AGAP3: variants seen among roughly 807,000 people sequenced by gnomAD.
AGAP3 encodes ArfGAP with GTPase domain, ankyrin repeat and PH domain 3.
Under a neutral mutation model 96.9 loss-of-function variants are expected in AGAP3, and 24 were observed. That is an observed-to-expected ratio of 0.25 (90% CI 0.18 to 0.35). AGAP3 has a LOEUF of 0.35. Ranked by LOEUF, AGAP3 falls within the 10% of genes least tolerant of loss-of-function variation. The pLI is 1.00. For synonymous variants in AGAP3, 563 were observed against 536.1 expected (o/e 1.05, Z -0.69); for missense variants, 876 against 1,254.2 (o/e 0.70, Z 4.55).
At chr7:151,089,390 T>C (rs1799295273) in intron 1 of AGAP3, among the ~76,000 whole-genome samples, 1 of 151,870 alleles carries the variant, frequency 6.6e-6, no homozygotes, top group South Asian at 2.1e-4. Flanking sequence ...AGACCTAGGC[T>C]GTTACATAAA....
Position 151,126,926 on chromosome 7 carries a change from C to T in AGAP3, c.1222-1654C>T, listed in dbSNP as rs149945311. Reference sequence around the variant, plus strand: ...TGGCCATGTACTTCAACTCCCAGCCCGCATGCTCGCACCTCCAGCAATGGC... The same window carrying T: ...TGGCCATGTACTTCAACTCCCAGCCTGCATGCTCGCACCTCCAGCAATGGC... On this transcript the variant is annotated intron_variant, in intron 9 of 17. Coordinates refer to ENST00000397238, the MANE Select transcript of AGAP3 (RefSeq NM_031946.7). 7.3e-3 allele frequency among the ~76,000 whole-genome samples: 1,115 copies of T among 152,344 alleles called. 13 individuals carry two copies. Among genetic ancestry groups the T allele is most frequent in the African/African-American group, 0.026 (1,078 of 41,572 alleles).
In AGAP3 at chr7:151,141,138, C is replaced by T. The variant is rs938924530; in HGVS notation, c.1805-760C>T. ...TTCCAGCCCCCAGGACACAGTCACA[C>T]TGCTTGTTAGGAATTGTTCACCCAT... On this transcript the variant is annotated intron_variant, in intron 13 of 17. Transcript: ENST00000397238. The surrounding 1 kb of genome is among the most constrained non-coding windows in gnomAD (Gnocchi z 4.2). 1 of 152,256 alleles carries T rather than the reference C, an allele frequency of 6.6e-6. No individual in the cohort carries two copies. The highest frequency in any genetic ancestry group is 1.5e-5 in the Non-Finnish European group (1 of 68,108). The allele number at this position is 152,256 out of a possible 1,614,324, so 9.4% of individuals were successfully genotyped here.
Position 151,141,846 on chromosome 7 carries a change from T to C in AGAP3, c.1805-52T>C, listed in dbSNP as rs754568664. The C allele has an allele frequency of 2.5e-6, 4 of 1,610,982 alleles. No individual in the cohort carries two copies. In the East Asian group the frequency reaches 8.9e-5, roughly 36 times the overall value. On this transcript the variant is annotated intron_variant, in intron 13 of 17. Transcript: ENST00000397238. This position sits in a 1 kb window ranked among gnomAD's most constrained non-coding sequence, Gnocchi z 4.2. Reference sequence around the variant, plus strand: ...GTGGAGTTGTGGCGATAGCATGCCCTGGGTGTGCACGCAGGCCAGGAGCCC... The same window carrying C: ...GTGGAGTTGTGGCGATAGCATGCCCCGGGTGTGCACGCAGGCCAGGAGCCC...
intron 1 of AGAP3, chr7:151,115,042 C>T (rs1445792035): frequency 3.0e-6 from 3 of 1,002,758 alleles, no homozygotes; most frequent in Non-Finnish European, 3.6e-6. Context: ...GGCCTGGCGC[C>T]CTCGGGACCG....
intron 1 of AGAP3, among the ~76,000 whole-genome samples, chr7:151,098,185 C>T (rs1475113116): frequency 4.6e-5 from 7 of 151,962 alleles, no homozygotes; most frequent in African/African-American, 1.7e-4. Context: ...ATGACGAAAC[C>T]CTGTCTCTAC....
At chr7:151,131,380 T>C (rs148941126) in intron 10 of AGAP3, 8 of 152,300 alleles carry the variant, frequency 5.3e-5, no homozygotes, top group African/African-American at 1.9e-4. Context: ...ATTCCAGTAA[T>C]AAAACGAGAT....
At chr7:151,115,489 C>A (rs866769103) in intron 1 of AGAP3, 2 of 1,017,430 alleles carry the variant, frequency 2.0e-6, no homozygotes, top group East Asian at 1.9e-4. Context: ...TCCGACGCCC[C>A]GCGCGCAGCG....
chr7:151,123,367 G>A (rs1168046735), intron 8 of AGAP3: 8 of 1,046,954 alleles, frequency 7.6e-6, no homozygotes, highest in Non-Finnish European at 9.2e-6. Flanking sequence ...CGACGCGCTC[G>A]GTGCCACGTG....
chr7:151,128,512 C>T lies in AGAP3; in HGVS notation c.1222-68C>T, dbSNP rs991746862. 2.7e-5 allele frequency: 37 copies of T among 1,365,950 alleles called. No homozygotes were observed. The East Asian group carries it at 3.9e-4, about 14-fold the overall frequency. The allele number at this position is 1,365,950 out of a possible 1,614,324, so 84.6% of individuals were successfully genotyped here. ...GGGGGAGGGCATTGCCTGACGACAT[C>T]GTGACCTCCTCATGCCCTATGACCT... On this transcript the variant is annotated intron_variant, in intron 9 of 17. Transcript: ENST00000397238.
At chr7:151,103,747 CT>C (rs1563440194) in intron 1 of AGAP3, among the ~76,000 whole-genome samples, 1 of 152,246 alleles carries the variant, frequency 6.6e-6, no homozygotes, top group South Asian at 2.1e-4. Flanking sequence ...TCTTACAGAG[CT>C]TTTTTTGTTT....
intron 9 of AGAP3, among the ~76,000 whole-genome samples, chr7:151,126,392 G>T (rs1441978964): frequency 6.6e-6 from 1 of 150,798 alleles, no homozygotes; most frequent in African/African-American, 2.5e-5. Flanking sequence ...GGGCGGGGCC[G>T]GCCGTGGAGT....
chr7:151,115,356 C>G (rs928571715), intron 1 of AGAP3: 2 of 1,022,508 alleles, frequency 2.0e-6, no homozygotes, highest in Non-Finnish European at 2.3e-6. Flanking sequence ...CCGCCTGCGC[C>G]GCGGCCAGGA....
At chr7:151,129,566 G>T (rs1800320161) in intron 10 of AGAP3, among the ~76,000 whole-genome samples, 1 of 152,186 alleles carries the variant, frequency 6.6e-6, no homozygotes, top group Non-Finnish European at 1.5e-5. Flanking sequence ...CAGCTCAGGG[G>T]ACAATGCCAG....
chr7:151,100,859 T>C (rs1289866604), intron 1 of AGAP3, among the ~76,000 whole-genome samples: 1 of 151,950 alleles, frequency 6.6e-6, no homozygotes, highest in Non-Finnish European at 1.5e-5. Context: ...AATAATAAAA[T>C]AATAATAATA....
rs765227376 is a variant in AGAP3 at position 151,120,031 on chromosome 7, A to G, written c.1014A>G (p.Ser338=). The G allele has an allele frequency of 6.2e-7, 1 of 1,613,880 alleles. No individual in the cohort carries two copies. The highest frequency in any genetic ancestry group is 8.5e-7 in the Non-Finnish European group (1 of 1,179,888). The change falls in exon 8 of 18, where the codon TCA becomes TCG. Residue 338 remains serine (S), a synonymous_variant. Transcript: ENST00000397238. ...GCGCCTTCAGCGACTACTCGTCCTCAGTCCCCTCCACCCCCAGCATCAGCC... is the reference window on the plus strand; with the variant it reads ...GCGCCTTCAGCGACTACTCGTCCTCGGTCCCCTCCACCCCCAGCATCAGCC... ...GGSAFSDYSS[S]VPSTPSISQR... is the part of the protein sequence containing the mutation.
intron 1 of AGAP3, chr7:151,115,264 A>T (rs1799505038): frequency 1.1e-5 from 11 of 1,001,170 alleles, no homozygotes; most frequent in Non-Finnish European, 1.3e-5. Context: ...TGGAGCAGCC[A>T]GCGCTGGCCA....
chr7:151,087,287 T>C, intron 1 of AGAP3: 1 of 591,944 alleles, frequency 1.7e-6, no homozygotes, highest in Non-Finnish European at 3.0e-6. Flanking sequence ...GGTTTTCTGC[T>C]GACTGTGTTC....
At chr7:151,138,093 A>G in intron 11 of AGAP3, 50 bp from the exon 12 acceptor site, 1 of 1,376,218 alleles carries the variant, frequency 7.3e-7, no homozygotes, top group Non-Finnish European at 1.0e-6. Flanking sequence ...ATCTTTGAGA[A>G]TCCTCCCCTG....
At chr7:151,136,844 C>G (rs1313669259) in intron 11 of AGAP3, among the ~76,000 whole-genome samples, 1 of 152,112 alleles carries the variant, frequency 6.6e-6, no homozygotes, top group Admixed American at 6.5e-5. Flanking sequence ...AATGAGGGAC[C>G]AAGTGTGCAC....
Sources: gnomAD v4.1 joint callset for allele counts (sites outside exome capture counted in the v4.1 genomes callset) on GRCh38, gnomAD v4.1.1 for gene constraint, Gnocchi (gnomAD v3.1) non-coding constraint, MANE v1.5 for transcripts, NCBI Gene and HGNC (gene_info 2026-07-23, HGNC 2026-07-21) for gene names.